The following LTAP1 variants were observed in gnomAD, a reference collection of about 807,000 sequenced individuals.
LTAP1 encodes the protein lipid transport auxiliary protein 1, also known as HCV NS5A-transactivated protein 4.
chr1:154,214,712 A>G, the LTAP1 span: 19 of 605,714 alleles, frequency 3.1e-5, no homozygotes, highest in Admixed American at 1.3e-4. Flanking sequence ...AAATTACCAG[A>G]TAAGAGGTAA....
chr1:154,216,330 T>TA, the LTAP1 span, among the ~76,000 whole-genome samples: 2 of 112,674 alleles, frequency 1.8e-5, no homozygotes, highest in African/African-American at 3.0e-5. Context: ...GCAACTTGTT[T>TA]AAAAAAAAAA....
the LTAP1 span, chr1:154,220,165 C>G: frequency 1.2e-6 from 1 of 834,936 alleles, no homozygotes; most frequent in Non-Finnish European, 2.0e-6. Flanking sequence ...TCTAGACTAA[C>G]GAGGGCGGGT....
chr1:154,212,152 C>T, the LTAP1 span: 633 of 763,894 alleles, frequency 8.3e-4, 1 homozygote, highest in Non-Finnish European at 1.2e-3. Flanking sequence ...CCACTGTGCC[C>T]GGCCGCATCT....
chr1:154,217,229 G>A, the LTAP1 span, among the ~76,000 whole-genome samples: 2 of 152,116 alleles, frequency 1.3e-5, no homozygotes, highest in African/African-American at 4.8e-5. Context: ...GATTACAGGC[G>A]TTAGCCACCG....
At chr1:154,214,093 C>T in the LTAP1 span, 1 of 651,310 alleles carries the variant, frequency 1.5e-6, no homozygotes, top group Non-Finnish European at 2.6e-6. Context: ...GCCTGACCAA[C>T]ATGGAGAAAC....
the LTAP1 span, among the ~76,000 whole-genome samples, chr1:154,214,138 G>A: frequency 1.8e-3 from 274 of 152,246 alleles, no homozygotes; most frequent in Non-Finnish European, 3.4e-3. Context: ...TTAGCCAGGC[G>A]TGGTGGCGCA....
At chr1:154,212,379 C>T in the LTAP1 span, 1 of 1,614,056 alleles carries the variant, frequency 6.2e-7, no homozygotes, top group Non-Finnish European at 8.5e-7. Context: ...GGCCAAAGAC[C>T]TTAGGAAAGA....
At chr1:154,208,915 T>C in the LTAP1 span, among the ~76,000 whole-genome samples, 1 of 152,242 alleles carries the variant, frequency 6.6e-6, no homozygotes, top group South Asian at 2.1e-4. Flanking sequence ...GCCCAGCCAA[T>C]TTTTCTATTT....
the LTAP1 span, among the ~76,000 whole-genome samples, chr1:154,215,951 C>A: frequency 6.6e-6 from 1 of 151,870 alleles, no homozygotes; most frequent in Non-Finnish European, 1.5e-5. Flanking sequence ...CATTCTCCTG[C>A]CTCAGCCTCC....
At chr1:154,211,831 C>T in the LTAP1 span, 1 of 157,094 alleles carries the variant, frequency 6.4e-6, no homozygotes, top group Admixed American at 6.1e-5. Flanking sequence ...CTTTTACTAG[C>T]TTGTATAGTT....
the LTAP1 span, among the ~76,000 whole-genome samples, chr1:154,208,976 G>A: frequency 6.6e-6 from 1 of 152,154 alleles, no homozygotes; most frequent in Non-Finnish European, 1.5e-5. Context: ...TTGAACTCCT[G>A]ACCTCAGGTG....
At chr1:154,212,873 T>G in the LTAP1 span, 23 of 452,462 alleles carry the variant, frequency 5.1e-5, no homozygotes, top group Non-Finnish European at 8.5e-5. Flanking sequence ...GGGTTTCACC[T>G]TGTTGGCTAG....
At chr1:154,212,646 GAT>G in the LTAP1 span, 5,206 of 1,613,252 alleles carry the variant, frequency 3.2e-3, 184 homozygotes, top group African/African-American at 0.062. Context: ...ACAGCACAAT[GAT>G]ATCTCTTCTC....
At chr1:154,212,581 C>CTTAA in the LTAP1 span, 1 of 1,614,186 alleles carries the variant, frequency 6.2e-7, no homozygotes, top group South Asian at 1.1e-5. Flanking sequence ...AATTCTTGCC[C>CTTAA]ATTAAGGAAC....
At chr1:154,216,175 T>C in the LTAP1 span, among the ~76,000 whole-genome samples, 5 of 152,044 alleles carry the variant, frequency 3.3e-5, no homozygotes, top group East Asian at 7.7e-4. Context: ...CCATCCCTCA[T>C]TGAATGCTCC....
the LTAP1 span, among the ~76,000 whole-genome samples, chr1:154,217,687 T>C: frequency 6.6e-6 from 1 of 152,040 alleles, no homozygotes; most frequent in South Asian, 2.1e-4. Context: ...CTTGTATTTT[T>C]AGTAGAGATT....
At chr1:154,216,159 G>A in the LTAP1 span, among the ~76,000 whole-genome samples, 12 of 151,916 alleles carry the variant, frequency 7.9e-5, no homozygotes, top group Admixed American at 1.3e-4. Flanking sequence ...TTCAAGTCTT[G>A]TGTGCCCATC....
chr1:154,212,185 T>C, the LTAP1 span: 1 of 962,968 alleles, frequency 1.0e-6, no homozygotes, highest in Admixed American at 1.7e-5. Context: ...AAGAGACTGA[T>C]CTAATAGTCT....
chr1:154,220,116 G>A, the LTAP1 span: 2 of 713,032 alleles, frequency 2.8e-6, no homozygotes, highest in South Asian at 1.8e-5. Flanking sequence ...CCAGCAGCAG[G>A]GAGGCGTGGG....
Sources: allele counts gnomAD v4.1 joint callset (sites outside exome capture counted in the v4.1 genomes callset), GRCh38; gene constraint gnomAD v4.1.1; transcripts MANE v1.5; gene names NCBI Gene and HGNC (gene_info 2026-07-23, HGNC 2026-07-21).